SPEN: variants seen among roughly 807,000 people sequenced by gnomAD.
SPEN encodes the protein spen family transcriptional repressor.
A neutral mutation model predicts 269.9 loss-of-function variants in SPEN; 18 were observed. The ratio of observed to expected loss-of-function variants is 0.07; its 90% CI spans 0.05 to 0.10. The LOEUF is 0.10. Ranked by LOEUF, SPEN falls within the 10% of genes least tolerant of loss-of-function variation. The probability of loss-of-function intolerance (pLI) is 1.00; values close to 1 mark genes in which losing one functional copy is unlikely to be tolerated. For synonymous variants in SPEN, 1,726 were observed against 1,765.7 expected, an observed-to-expected ratio of 0.98 and a Z score of 0.56; for missense variants, 3,822 against 4,631.2, an observed-to-expected ratio of 0.83 and a Z score of 5.07.
At chr1:15,856,562 A>G (rs1332157024) in intron 1 of SPEN, among the ~76,000 whole-genome samples, 1 of 136,362 alleles carries the variant, frequency 7.3e-6, no homozygotes, top group Admixed American at 8.3e-5. Flanking sequence ...CTGCTGCCAG[A>G]TACTTTTTTT....
intron 3 of SPEN, among the ~76,000 whole-genome samples, chr1:15,897,050 TC>T (rs1322024115): frequency 1.9e-4 from 29 of 152,202 alleles, no homozygotes; most frequent in Non-Finnish European, 1.5e-4. Flanking sequence ...AAAGCTTTCT[TC>T]CTTTGTCAGT....
chr1:15,895,981 G>A (rs1393920780), intron 3 of SPEN, among the ~76,000 whole-genome samples: 1 of 151,830 alleles, frequency 6.6e-6, no homozygotes, highest in African/African-American at 2.4e-5. Context: ...ACCATGCCCG[G>A]CCTATACTTA....
chr1:15,880,177 G>T (rs1221987386), intron 3 of SPEN, among the ~76,000 whole-genome samples: 1 of 152,078 alleles, frequency 6.6e-6, no homozygotes, highest in African/African-American at 2.4e-5. Flanking sequence ...GTGGGCTTGG[G>T]GAAGAATCAC....
chr1:15,888,882 G>A (rs544223149), intron 3 of SPEN, among the ~76,000 whole-genome samples: 5 of 149,358 alleles, frequency 3.3e-5, no homozygotes, highest in African/African-American at 1.2e-4. Flanking sequence ...CACCTGCCTC[G>A]GCCTCCCAAA....
Position 15,910,627 on chromosome 1 carries a change from GT to G in SPEN, c.1043-463del, listed in dbSNP as rs568465031. ...TCTTCCTGCTTTCCTACTGTTTTTT[GT>G]TTTTTTTTTTACCTTTAAGGTGAAT... is the stretch of plus-strand genomic sequence containing the variant. On this transcript the variant is annotated intron_variant, in intron 4 of 14. Coordinates refer to ENST00000375759, the MANE Select transcript of SPEN (RefSeq NM_015001.3). 5.1e-3 allele frequency among the ~76,000 whole-genome samples: 719 copies of G among 141,732 alleles called. 3 individuals carry two copies. The highest frequency in any genetic ancestry group is 0.017 in the African/African-American group (653 of 38,936). 93.0% of individuals were successfully genotyped at this position (141,732 alleles called of 152,430 possible). A position where few individuals can be genotyped will look rare whatever the true frequency, so the allele number is the denominator to read the frequency against.
chr1:15,902,925 A>G (rs76224820), intron 3 of SPEN, among the ~76,000 whole-genome samples: 26 of 152,252 alleles, frequency 1.7e-4, no homozygotes, highest in Admixed American at 3.3e-4. Flanking sequence ...TTGTTTCTCA[A>G]CTTAATTTGG....
rs1329880316 is a variant in SPEN at position 15,893,107 on chromosome 1, A to T, written c.882-16214A>T. Among the ~76,000 whole-genome samples the T allele has an allele frequency of 2.0e-5, 3 of 152,222 alleles. No homozygotes were observed. In the East Asian group the frequency reaches 5.8e-4, roughly 29 times the overall value. ...GAGTGAAACTCTGTCTCAAACAACAACAACAACAACAAAAACACTTTCATC... is the reference window on the plus strand; with the variant it reads ...GAGTGAAACTCTGTCTCAAACAACATCAACAACAACAAAAACACTTTCATC... On this transcript the variant is annotated intron_variant, in intron 3 of 14. Coordinates refer to ENST00000375759, the MANE Select transcript of SPEN (RefSeq NM_015001.3).
In SPEN at chr1:15,929,588, G is replaced by T; in HGVS notation, c.3348G>T (p.Leu1116=). 1.2e-6 allele frequency: 2 copies of T among 1,614,078 alleles called. No individual in the cohort carries two copies. The highest frequency in any genetic ancestry group is 1.7e-6 in the Non-Finnish European group (2 of 1,179,976). Residue 1116 remains leucine (L), a synonymous_variant, in exon 11 of 15, where the codon CTG becomes CTT. Transcript: ENST00000375759. The surrounding 1 kb of genome is among the most constrained non-coding windows in gnomAD (Gnocchi z 5.8). ...PIPSKPQLKQ[L]QVLDDQGPER... The stretch of plus-strand genomic sequence containing the variant: ...CCTCAAAACCACAGCTCAAACAGCT[G>T]CAGGTATTAGATGATCAAGGACCAG...
Position 15,876,694 on chromosome 1 carries a change from TTTG to T in SPEN, c.881+19_881+21del. 1 of 1,579,348 alleles carries T rather than the reference TTTG, an allele frequency of 6.3e-7. No individual in the cohort carries two copies. ...GCAGTGACAGGTAGGTTAACAGCCTTTTGTTATAACAGATGAGCTAGCTTTAAA... is the reference window on the plus strand; with the variant it reads ...GCAGTGACAGGTAGGTTAACAGCCTTTTATAACAGATGAGCTAGCTTTAAA... On this transcript the variant is annotated intron_variant, in intron 3 of 14. Transcript: ENST00000375759.
At chr1:15,874,204 C>G in intron 2 of SPEN, 3 of 1,366,506 alleles carry the variant, frequency 2.2e-6, no homozygotes, top group Non-Finnish European at 2.9e-6. Context: ...CTACTTGCTT[C>G]CAGTGGAATT....
chr1:15,911,019 C>T, intron 4 of SPEN, 82 bp from the exon 5 acceptor site: 1 of 1,207,540 alleles, frequency 8.3e-7, no homozygotes, highest in Non-Finnish European at 1.2e-6. Flanking sequence ...ATGAGAAAAT[C>T]AGGCTAAAGA....
intron 1 of SPEN, among the ~76,000 whole-genome samples, chr1:15,871,185 G>T (rs1032511991): frequency 6.6e-6 from 1 of 151,978 alleles, no homozygotes; most frequent in African/African-American, 2.4e-5. Flanking sequence ...GTCAGGCTGG[G>T]TCTCAAAATC....
In SPEN at chr1:15,936,028, C is replaced by G; in HGVS notation, c.9788C>G (p.Pro3263Arg). Residue 3263 changes from proline to arginine, a missense_variant, in exon 11 of 15, where the codon CCT (proline) becomes CGT (arginine). Pro to Arg is a moderately radical substitution (Grantham distance 103). This residue lies in a region of SPEN where 359 missense variants were observed against 377.3 expected (regional missense o/e 0.95). Transcript: ENST00000375759. ...CCCCTTCCTGCCCCTGCTCCTGCCC[C>G]TCATGGTGAGGCCCGTATCCTCACA... ...PVPLPAPAPA[P>R]HGEARILTVT... 1 of 1,592,420 alleles carries G rather than the reference C, an allele frequency of 6.3e-7. No homozygotes were observed. Among genetic ancestry groups the G allele is most frequent in the Non-Finnish European group, 8.6e-7 (1 of 1,167,090 alleles).
At chr1:15,874,136 A>G (rs1302435571) in intron 2 of SPEN, 1 of 1,364,000 alleles carries the variant, frequency 7.3e-7, no homozygotes, top group Non-Finnish European at 9.8e-7. Flanking sequence ...TAAATTTCTA[A>G]TTGTCTGCTA....
At chr1:15,896,186 ACTTTTT>A (rs1365294922) in intron 3 of SPEN, among the ~76,000 whole-genome samples, 1 of 97,262 alleles carries the variant, frequency 1.0e-5, no homozygotes, top group Non-Finnish European at 2.1e-5. Context: ...TTTTACCATC[ACTTTTT>A]TTTTTTTTTT....
intron 3 of SPEN, among the ~76,000 whole-genome samples, chr1:15,893,783 C>A (rs891743232): frequency 9.9e-5 from 15 of 152,064 alleles, no homozygotes; most frequent in Non-Finnish European, 1.6e-4. Context: ...CCGCCGTAAT[C>A]CCAGCACTTT....
rs1458311779 is a variant in SPEN, at chr1:15,929,781, C to G, written c.3541C>G (p.Gln1181Glu). The stretch of plus-strand genomic sequence containing the variant: ...AATGGAACAGAGTCGTAGGAAACAG[C>G]AGATGGAAATGGAAATAGCCAAGTC... ...KQMEQSRRKQ[Q>E]MEMEIAKSEK... The change falls in exon 11 of 15, where the codon CAG becomes GAG. Residue 1181 changes from glutamine (Q) to glutamate (E), a missense_variant. Physicochemically the swap from Gln to Glu is conservative, Grantham distance 29 (BLOSUM62 2). Transcript: ENST00000375759. This position sits in a 1 kb window ranked among gnomAD's most constrained non-coding sequence, Gnocchi z 5.8. 2 of 1,614,090 alleles carry G rather than the reference C, an allele frequency of 1.2e-6. No homozygotes were observed. The highest frequency in any genetic ancestry group is 8.5e-7 in the Non-Finnish European group (1 of 1,180,022).
intron 3 of SPEN, among the ~76,000 whole-genome samples, chr1:15,884,798 A>G (rs957894200): frequency 6.6e-6 from 1 of 150,726 alleles, no homozygotes; most frequent in African/African-American, 2.4e-5. Context: ...CAGTGGTGCA[A>G]TCTAAACTGA....
At chr1:15,873,887 A>G in intron 2 of SPEN, 1 of 1,105,462 alleles carries the variant, frequency 9.0e-7, no homozygotes, top group African/African-American at 1.6e-5. Flanking sequence ...CCAGGGAAAG[A>G]GGATTACTAT....
Sources: allele counts gnomAD v4.1 joint callset (sites outside exome capture counted in the v4.1 genomes callset), GRCh38; gene constraint gnomAD v4.1.1; regional missense constraint gnomAD v4.1.1; non-coding constraint Gnocchi (gnomAD v3.1); transcripts MANE v1.5; gene names NCBI Gene and HGNC (gene_info 2026-07-23, HGNC 2026-07-21).